ZNF266: variants seen among roughly 807,000 people sequenced by gnomAD.
ZNF266 encodes the protein zinc finger protein 266.
In ZNF266, 16 loss-of-function variants were observed where a neutral mutation model predicts 16.4. The ratio of observed to expected loss-of-function variants is 0.98; its 90% confidence interval spans 0.66 to 1.48. ZNF266 has a LOEUF of 1.48. ZNF266 is among the 40% of genes most tolerant of loss of function. ZNF266 has a pLI of 0.00. For synonymous variants in ZNF266, 262 were observed against 237.9 expected (o/e 1.10, Z -0.93); for missense variants, 738 against 689.1 (o/e 1.07, Z -0.79).
intron 9 of ZNF266, among the ~76,000 whole-genome samples, chr19:9,416,166 C>T (rs1320642058): frequency 6.6e-6 from 1 of 151,954 alleles, no homozygotes; most frequent in Non-Finnish European, 1.5e-5. Flanking sequence ...AAAACAAACA[C>T]AAAGACAGAT....
chr19:9,425,406 C>T (rs549138696), intron 5 of ZNF266, among the ~76,000 whole-genome samples: 2 of 152,246 alleles, frequency 1.3e-5, no homozygotes, highest in East Asian at 3.9e-4. Flanking sequence ...CTTGCCCGCC[C>T]AACACACTGG....
intron 5 of ZNF266, chr19:9,420,797 C>G (rs1040899898): frequency 2.0e-5 from 3 of 151,778 alleles, no homozygotes; most frequent in Non-Finnish European, 4.4e-5. Context: ...AGAAAACCTA[C>G]AATCAGACAA....
rs569207076 is a variant in ZNF266 at position 9,414,653 on chromosome 19, G to C, written c.473C>G (p.Ser158Ter). 7.5e-6 allele frequency: 12 copies of C among 1,602,694 alleles called. No individual in the cohort carries two copies. In the South Asian group the frequency reaches 8.8e-5, roughly 12 times the overall value. Reference sequence around the variant, plus strand: ...AGTTCTCACATGTGTCTTAAGGCATGAGTGTTCACTGGAGACATCTCCACA... The same window carrying C: ...AGTTCTCACATGTGTCTTAAGGCATCAGTGTTCACTGGAGACATCTCCACA... ...KQCGDVSSEHSCLKTHVRTQN... is the reference protein window; with the variant it reads ...KQCGDVSSEH The change falls in exon 11 of 11, where the codon TCA becomes TGA. Residue 158 changes from serine (S) to a stop codon, truncating the protein, a stop_gained. Transcript: ENST00000592904. LOFTEE classifies it low-confidence loss of function (END_TRUNC).
At position 9,414,847 on chromosome 19, in the gene ZNF266, G is replaced by C. The variant is rs2068745549; in HGVS notation, c.406-127C>G. On this transcript the variant is annotated intron_variant, in intron 10 of 10. Coordinates refer to ENST00000592904, the MANE Select transcript of ZNF266 (RefSeq NM_001370374.1). ...TACCATTTTCATTACACACATATAA[G>C]TAATGCCCTTTTGATTTCTTTCCAG... 2.8e-6 allele frequency: 3 copies of C among 1,085,528 alleles called. No homozygotes were observed. In the African/African-American group the frequency reaches 4.7e-5, roughly 17 times the overall value. 67.2% of individuals were successfully genotyped at this position (1,085,528 alleles called of 1,614,324 possible).
At chr19:9,424,639 A>G (rs2070458617) in intron 5 of ZNF266, among the ~76,000 whole-genome samples, 1 of 152,208 alleles carries the variant, frequency 6.6e-6, no homozygotes, top group African/African-American at 2.4e-5. Flanking sequence ...GTTTATATCC[A>G]TGTGTTTATT....
chr19:9,417,762 G>C, intron 9 of ZNF266, 66 bp downstream of exon 9: 1 of 1,278,588 alleles, frequency 7.8e-7, no homozygotes, highest in Admixed American at 2.1e-5. Context: ...AAAAAAAAAA[G>C]TTTCCTCATT....
Position 9,413,752 on chromosome 19 carries a change from T to A in ZNF266, c.1374A>T (p.Arg458Ser). 1 of 1,613,870 alleles carries A rather than the reference T, an allele frequency of 6.2e-7. No individual in the cohort carries two copies. Among genetic ancestry groups the A allele is most frequent in the South Asian group, 1.1e-5 (1 of 91,074 alleles). The change falls in exon 11 of 11, where the codon AGA becomes AGT. Residue 458 changes from arginine (R) to serine (S), a missense_variant. By Grantham distance (110) the Arg-to-Ser change is moderately radical. Coordinates refer to ENST00000592904, the MANE Select transcript of ZNF266 (RefSeq NM_001370374.1). ...ECKECGKAFA[R>S]SSRLSEHTRT... ...TTGTATGTTCACTAAGGCGAGAGGA[T>A]CTGGCAAAGGCCTTTCCACATTCCT... is the stretch of plus-strand genomic sequence containing the variant.
chr19:9,414,793 AG>A, intron 10 of ZNF266, 73 bp from the exon 11 acceptor site: 1 of 1,417,802 alleles, frequency 7.1e-7, no homozygotes, highest in Non-Finnish European at 9.4e-7. Flanking sequence ...ATCTGAAGAG[AG>A]GAACACTGTG....
At chr19:9,424,131 C>G (rs1599505883) in intron 5 of ZNF266, among the ~76,000 whole-genome samples, 1 of 151,838 alleles carries the variant, frequency 6.6e-6, no homozygotes, top group Non-Finnish European at 1.5e-5. Context: ...AAATGCCCCC[C>G]CCAGGGGGCA....
In ZNF266 at chr19:9,417,920, G is replaced by A. The variant is rs778971503; in HGVS notation, c.236-12C>T. 4 of 1,613,012 alleles carry A rather than the reference G, an allele frequency of 2.5e-6. No individual in the cohort carries two copies. The highest frequency in any genetic ancestry group is 2.2e-5 in the East Asian group (1 of 44,872). The stretch of plus-strand genomic sequence containing the variant: ...GAAGAGCTGATATCCTGTGCACAAA[G>A]AAAGATACATTACCAGAAGAGGCTC... On this transcript the variant is annotated splice_polypyrimidine_tract_variant and intron_variant, in intron 8 of 10. Coordinates refer to ENST00000592904, the MANE Select transcript of ZNF266 (RefSeq NM_001370374.1).
chr19:9,429,071 C>T (rs890017086), intron 5 of ZNF266, among the ~76,000 whole-genome samples: 1 of 151,890 alleles, frequency 6.6e-6, no homozygotes, highest in Non-Finnish European at 1.5e-5. Flanking sequence ...GCTAGCGCCT[C>T]GAAAAATATA....
At chr19:9,418,695 T>C (rs1568409408) in intron 7 of ZNF266, 64 bp from the exon 8 acceptor site, 2 of 815,654 alleles carry the variant, frequency 2.5e-6, no homozygotes, top group Non-Finnish European at 4.2e-6. Context: ...CACTGCAAAA[T>C]GCAATACCTA....
chr19:9,428,211 C>T (rs1390678469), intron 5 of ZNF266, among the ~76,000 whole-genome samples: 2 of 152,210 alleles, frequency 1.3e-5, no homozygotes, highest in Non-Finnish European at 2.9e-5. Context: ...GCCTGTGATC[C>T]TCCTATGCAG....
rs752906412 is a variant in ZNF266 at position 9,413,402 on chromosome 19, T to G, written c.1724A>C (p.Gln575Pro). 3 of 1,612,092 alleles carry G rather than the reference T, an allele frequency of 1.9e-6. No individual in the cohort carries two copies. The highest frequency in any genetic ancestry group is 1.7e-6 in the Non-Finnish European group (2 of 1,179,432). Residue 575 changes from glutamine to proline, a missense_variant, in exon 11 of 11, where the codon CAG becomes CCG. Transcript: ENST00000592904. ...GKSFSYSNSF[Q>P]LHERTHTGEK... ...TCCAGTGTGAGTTCGTTCATGTAAC[T>G]GAAACGAATTGGAGTAACTGAAGGA...
chr19:9,417,485 T>C (rs2069216923), intron 9 of ZNF266, among the ~76,000 whole-genome samples: 1 of 152,176 alleles, frequency 6.6e-6, no homozygotes, highest in African/African-American at 2.4e-5. Context: ...TCCCAGCACT[T>C]TGGGAGGCCG....
At chr19:9,430,562 A>G (rs1039082984) in intron 5 of ZNF266, among the ~76,000 whole-genome samples, 2 of 152,016 alleles carry the variant, frequency 1.3e-5, no homozygotes, top group Non-Finnish European at 2.9e-5. Flanking sequence ...CTCCAACATA[A>G]CTGCCCTACA....
chr19:9,428,964 G>A (rs993283301), intron 5 of ZNF266, among the ~76,000 whole-genome samples: 3 of 151,886 alleles, frequency 2.0e-5, no homozygotes, highest in Admixed American at 1.3e-4. Context: ...AAACTCCTGG[G>A]CTCAAGCAAT....
intron 10 of ZNF266, 115 bp from the exon 11 acceptor site, chr19:9,414,835 A>G: frequency 8.0e-7 from 1 of 1,250,056 alleles, no homozygotes; most frequent in South Asian, 1.8e-5. Context: ...CATTTTCATT[A>G]CACACATATA....
At chr19:9,414,842 T>C (rs1260184443) in intron 10 of ZNF266, 122 bp from the exon 11 acceptor site, 6 of 1,143,308 alleles carry the variant, frequency 5.2e-6, no homozygotes, top group Non-Finnish European at 5.9e-6. Flanking sequence ...ATTACACACA[T>C]ATAAGTAATG....
Sources: allele counts gnomAD v4.1 joint callset (sites outside exome capture counted in the v4.1 genomes callset), GRCh38; gene constraint gnomAD v4.1.1; transcripts MANE v1.5; gene names NCBI Gene and HGNC (gene_info 2026-07-23, HGNC 2026-07-21).